Variants in CPAP observed in about 807,000 individuals in gnomAD.
CPAP encodes centrosomal P4.1-associated protein.
chr13:24,900,425 C>T, the CPAP span, among the ~76,000 whole-genome samples: 1 of 152,134 alleles, frequency 6.6e-6, no homozygotes, highest in African/African-American at 2.4e-5. Flanking sequence ...AGGCCAGGAG[C>T]TGGACCTGAG....
At chr13:24,901,083 A>G in the CPAP span, among the ~76,000 whole-genome samples, 1 of 152,210 alleles carries the variant, frequency 6.6e-6, no homozygotes, top group Non-Finnish European at 1.5e-5. Context: ...CAGCATTTAA[A>G]GCCTTGAGAC....
chr13:24,921,952 G>A, the CPAP span, among the ~76,000 whole-genome samples: 3 of 152,106 alleles, frequency 2.0e-5, no homozygotes, highest in African/African-American at 7.2e-5. Context: ...TGATACTGAG[G>A]TCTTGGTAAA....
chr13:24,927,265 G>C, the CPAP span, among the ~76,000 whole-genome samples: 4 of 152,088 alleles, frequency 2.6e-5, no homozygotes, highest in Admixed American at 6.5e-5. Context: ...CCCTACCCCT[G>C]ACATGGCTGT....
the CPAP span, among the ~76,000 whole-genome samples, chr13:24,892,149 G>C: frequency 6.6e-6 from 1 of 152,200 alleles, no homozygotes; most frequent in Non-Finnish European, 1.5e-5. Context: ...ACCTAATGCA[G>C]TGCCTGGCAC....
the CPAP span, among the ~76,000 whole-genome samples, chr13:24,893,101 GACAGC>G: frequency 6.6e-6 from 1 of 152,170 alleles, no homozygotes; most frequent in African/African-American, 2.4e-5. Context: ...AAGGAAGGCA[GACAGC>G]ACATGGGAGC....
the CPAP span, among the ~76,000 whole-genome samples, chr13:24,908,890 A>C: frequency 6.6e-6 from 1 of 152,230 alleles, no homozygotes; most frequent in African/African-American, 2.4e-5. Flanking sequence ...TGAATGTCCT[A>C]ATTTTTGCTT....
chr13:24,896,553 G>A, the CPAP span, among the ~76,000 whole-genome samples: 1 of 152,252 alleles, frequency 6.6e-6, no homozygotes. Context: ...CAGAGCCTGA[G>A]AATCAGAGGA....
At chr13:24,908,458 A>AAAAAAAAAAAAAG in the CPAP span, among the ~76,000 whole-genome samples, 3 of 129,222 alleles carry the variant, frequency 2.3e-5, no homozygotes, top group African/African-American at 8.1e-5. Context: ...AAAAAAAAAA[A>AAAAAAAAAAAAAG]AAAAAATTAG....
At chr13:24,892,921 A>C in the CPAP span, 1 of 1,260,780 alleles carries the variant, frequency 7.9e-7, no homozygotes, top group Non-Finnish European at 1.2e-6. Flanking sequence ...ACCAGAATTA[A>C]AACAATAGAA....
the CPAP span, chr13:24,883,261 G>A: frequency 5.6e-6 from 9 of 1,613,876 alleles, no homozygotes; most frequent in Admixed American, 3.3e-5. Context: ...CTTGATGACC[G>A]TTTGCATATA....
chr13:24,896,263 G>A, the CPAP span, among the ~76,000 whole-genome samples: 1,555 of 152,238 alleles, frequency 0.01, 31 homozygotes, highest in African/African-American at 0.036. Context: ...GAACAAAGGC[G>A]AGAGTTCAAG....
At chr13:24,884,022 T>TAAG in the CPAP span, 1 of 1,614,062 alleles carries the variant, frequency 6.2e-7, no homozygotes, top group African/African-American at 1.3e-5. Flanking sequence ...CATCAGGAAA[T>TAAG]AAGTTTTTAA....
At chr13:24,892,700 C>T in the CPAP span, 1 of 1,614,144 alleles carries the variant, frequency 6.2e-7, no homozygotes, top group East Asian at 2.2e-5. Flanking sequence ...CTGCTCTCTT[C>T]CAGGCATCCA....
At chr13:24,912,478 C>T in the CPAP span, 1 of 988,236 alleles carries the variant, frequency 1.0e-6, no homozygotes, top group Non-Finnish European at 1.5e-6. Context: ...CTGAGGATTT[C>T]AGAGTGAAGG....
chr13:24,925,237 A>T, the CPAP span, among the ~76,000 whole-genome samples: 1 of 152,072 alleles, frequency 6.6e-6, no homozygotes, highest in African/African-American at 2.4e-5. Flanking sequence ...TTGGCCTCTG[A>T]AAGTGCTGGA....
chr13:24,884,279 C>G, the CPAP span: 2 of 1,613,974 alleles, frequency 1.2e-6, no homozygotes, highest in African/African-American at 2.7e-5. Flanking sequence ...GCCTTTTCTC[C>G]AGAGATGGTT....
the CPAP span, among the ~76,000 whole-genome samples, chr13:24,913,367 GATA>G: frequency 1.4e-4 from 21 of 151,360 alleles, no homozygotes; most frequent in African/African-American, 5.1e-4. Context: ...AACAATGGAA[GATA>G]AAATACCTTT....
chr13:24,909,991 CAT>C, the CPAP span: 3 of 1,614,134 alleles, frequency 1.9e-6, no homozygotes, highest in Non-Finnish European at 2.5e-6. Context: ...TCCGGGTAGA[CAT>C]ATGATGGGAA....
the CPAP span, among the ~76,000 whole-genome samples, chr13:24,898,747 C>A: frequency 4.6e-5 from 7 of 152,196 alleles, no homozygotes; most frequent in Middle Eastern, 3.4e-3. Context: ...GGATGGAACT[C>A]AAAAATGCTA....
Sources: gnomAD v4.1 joint callset for allele counts (sites outside exome capture counted in the v4.1 genomes callset) on GRCh38, gnomAD v4.1.1 for gene constraint, MANE v1.5 for transcripts, NCBI Gene and HGNC (gene_info 2026-07-23, HGNC 2026-07-21) for gene names.